Variants in PRDM1 observed in about 807,000 individuals in gnomAD.
PRDM1 encodes PR domain zinc finger protein 1.
Under a neutral mutation model 62.8 loss-of-function variants are expected in PRDM1, and 13 were observed. That is an observed-to-expected ratio of 0.21 (90% CI 0.13 to 0.33). PRDM1 has a LOEUF of 0.33. Ranked by LOEUF, PRDM1 falls within the 10% of genes least tolerant of loss-of-function variation. The pLI is 1.00. For missense variants in PRDM1, 895 were observed against 1,058.8 expected, an observed-to-expected ratio of 0.85 and a Z score of 2.15; for synonymous variants, 396 against 417.6, an observed-to-expected ratio of 0.95 and a Z score of 0.63.
intron 1 of PRDM1, among the ~76,000 whole-genome samples, chr6:106,035,004 G>T (rs1432234233): frequency 6.6e-6 from 1 of 152,182 alleles, no homozygotes; most frequent in African/African-American, 2.4e-5. Context: ...CACTTGAGAA[G>T]AATATATTCT....
At chr6:106,093,791 G>A (rs1774021412) in intron 2 of PRDM1, among the ~76,000 whole-genome samples, 1 of 152,162 alleles carries the variant, frequency 6.6e-6, no homozygotes, top group Non-Finnish European at 1.5e-5. Flanking sequence ...GTAAATGAAG[G>A]CAGAGGAGGA....
At chr6:106,009,998 G>A (rs1286518599) in intron 1 of PRDM1, among the ~76,000 whole-genome samples, 5 of 152,126 alleles carry the variant, frequency 3.3e-5, no homozygotes, top group East Asian at 1.9e-4. Context: ...GATTACAGAC[G>A]TGAGCCACCA....
intron 1 of PRDM1, among the ~76,000 whole-genome samples, chr6:106,057,808 T>C (rs987485356): frequency 1.3e-5 from 2 of 152,180 alleles, no homozygotes; most frequent in Admixed American, 6.5e-5. Context: ...TATACCTCTC[T>C]TACTCCCAGA....
At chr6:106,054,389 C>A (rs1249209065) in intron 1 of PRDM1, among the ~76,000 whole-genome samples, 9 of 151,868 alleles carry the variant, frequency 5.9e-5, no homozygotes, top group African/African-American at 2.2e-4. Context: ...GCTACTTGTT[C>A]CTTTCTGTCT....
At chr6:106,059,935 G>T (rs183235834) in intron 1 of PRDM1, among the ~76,000 whole-genome samples, 22 of 152,284 alleles carry the variant, frequency 1.4e-4, no homozygotes, top group Middle Eastern at 3.4e-3. Context: ...AAGATATGGA[G>T]AAGAGTAGCT....
At chr6:106,042,866 G>A (rs1773022472) in intron 1 of PRDM1, among the ~76,000 whole-genome samples, 1 of 152,102 alleles carries the variant, frequency 6.6e-6, no homozygotes, top group Non-Finnish European at 1.5e-5. Flanking sequence ...CATTTTGGGG[G>A]GAGGATGGAG....
intron 3 of PRDM1, chr6:106,098,438 C>A (rs1375370653): frequency 6.1e-6 from 6 of 985,218 alleles, no homozygotes; most frequent in Non-Finnish European, 7.2e-6. Context: ...ACTTCAAATT[C>A]TTCATTCTGC....
chr6:106,028,840 G>A (rs1021111021), intron 1 of PRDM1, among the ~76,000 whole-genome samples: 1 of 150,230 alleles, frequency 6.7e-6, no homozygotes, highest in Admixed American at 6.6e-5. Flanking sequence ...TCTGTCTCCT[G>A]TCACTAGAAA....
At position 106,105,826 on chromosome 6, in the gene PRDM1, A is replaced by G. The variant is rs781350114; in HGVS notation, c.1666A>G (p.Met556Val). 1.4e-5 allele frequency: 23 copies of G among 1,614,026 alleles called. No homozygotes were observed. The highest frequency in any genetic ancestry group is 2.2e-5 in the East Asian group (1 of 44,894). ...AMNLIKNKRN[M>V]TGYKTLPYPL... ...GAATCTCATTAAAAACAAAAGAAAC[A>G]TGACCGGCTACAAGACCCTTCCCTA... The change falls in exon 5 of 7, where the codon ATG becomes GTG. Residue 556 changes from methionine to valine, a missense_variant. By Grantham distance (21) the Met-to-Val change is conservative (BLOSUM62 1). Coordinates refer to ENST00000369096, the MANE Select transcript of PRDM1 (RefSeq NM_001198.4).
chr6:106,105,482 C>G lies in PRDM1; in HGVS notation c.1322C>G (p.Pro441Arg), dbSNP rs1774445351. 1 of 1,613,994 alleles carries G rather than the reference C, an allele frequency of 6.2e-7. No individual in the cohort carries two copies. The highest frequency in any genetic ancestry group is 8.5e-7 in the Non-Finnish European group (1 of 1,180,032). The change falls in exon 5 of 7, where the codon CCG (proline) becomes CGG (arginine). Residue 441 changes from proline to arginine, a missense_variant. Physicochemically the swap from Pro to Arg is moderately radical, Grantham distance 103. Coordinates refer to ENST00000369096, the MANE Select transcript of PRDM1 (RefSeq NM_001198.4). Reference protein sequence around the residue: ...MNGINNFGLFPRLCPVYSNLL... With the variant: ...MNGINNFGLFRRLCPVYSNLL... ...GGCATCAACAACTTTGGCCTCTTCC[C>G]GAGGCTGTGCCCTGTCTACAGCAAT...
At chr6:106,054,444 A>G (rs1482534464) in intron 1 of PRDM1, among the ~76,000 whole-genome samples, 2 of 151,790 alleles carry the variant, frequency 1.3e-5, no homozygotes, top group Non-Finnish European at 2.9e-5. Flanking sequence ...GCAGGGGCAG[A>G]TGGTGTCTTC....
intron 1 of PRDM1, among the ~76,000 whole-genome samples, chr6:105,997,152 G>A (rs758388256): frequency 1.4e-4 from 22 of 152,342 alleles, no homozygotes; most frequent in Non-Finnish European, 2.4e-4. Context: ...TAACTCAGCC[G>A]TCCAAATGAA....
At chr6:106,009,874 C>T (rs746669420) in intron 1 of PRDM1, among the ~76,000 whole-genome samples, 9 of 152,144 alleles carry the variant, frequency 5.9e-5, no homozygotes, top group South Asian at 2.1e-4. Flanking sequence ...TGCGCCACCA[C>T]GCCCGGCTAG....
intron 1 of PRDM1, among the ~76,000 whole-genome samples, chr6:106,058,146 C>CA (rs1445661537): frequency 6.6e-6 from 1 of 152,194 alleles, no homozygotes; most frequent in East Asian, 1.9e-4. Context: ...GCCTCTAAGT[C>CA]AGTTTGAGCT....
intron 4 of PRDM1, among the ~76,000 whole-genome samples, chr6:106,103,156 G>T (rs1481086043): frequency 6.6e-6 from 1 of 152,136 alleles, no homozygotes; most frequent in Non-Finnish European, 1.5e-5. Context: ...TTCCCTGATA[G>T]CGTTCTTCTC....
intron 1 of PRDM1, among the ~76,000 whole-genome samples, chr6:106,078,044 G>A (rs1281793737): frequency 1.3e-5 from 2 of 152,118 alleles, no homozygotes; most frequent in African/African-American, 2.4e-5. Context: ...TACTTCCTGC[G>A]TCCATCTTTC....
At chr6:106,081,827 G>A (rs1249961574), upstream of PRDM1, among the ~76,000 whole-genome samples, 1 of 152,020 alleles carries the variant, frequency 6.6e-6, no homozygotes, top group Non-Finnish European at 1.5e-5. Flanking sequence ...ACAACTGTAG[G>A]GTCCCTTTTC....
At chr6:106,048,266 A>C (rs549649404), upstream of PRDM1, among the ~76,000 whole-genome samples, 9 of 151,820 alleles carry the variant, frequency 5.9e-5, no homozygotes, top group Non-Finnish European at 1.3e-4. Context: ...GCATACTCAT[A>C]GTCCTAGCTA....
At chr6:106,004,109 C>T in intron 1 of PRDM1, among the ~76,000 whole-genome samples, 1 of 151,830 alleles carries the variant, frequency 6.6e-6, no homozygotes, top group East Asian at 1.9e-4. Flanking sequence ...TCAAAGGTTC[C>T]CAGGGGGCTA....
Sources: allele counts gnomAD v4.1 joint callset (sites outside exome capture counted in the v4.1 genomes callset), GRCh38; gene constraint gnomAD v4.1.1; transcripts MANE v1.5; gene names NCBI Gene and HGNC (gene_info 2026-07-23, HGNC 2026-07-21).